RAI14: variants seen among roughly 807,000 people sequenced by gnomAD.
RAI14 encodes ankycorbin.
A neutral mutation model predicts 115.4 loss-of-function variants in RAI14; 45 were observed. The observed-to-expected ratio is 0.39, with a 90% CI of 0.31 to 0.50. The LOEUF is 0.50. Among genes scored for constraint, RAI14 ranks in the 20% least tolerant of loss-of-function variants. The pLI, the probability that RAI14 is intolerant of heterozygous loss-of-function variation, is 0.85. For synonymous variants in RAI14, 371 were observed against 415.4 expected, an observed-to-expected ratio of 0.89 and a Z score of 1.30; for missense variants, 939 against 1,131.2, an observed-to-expected ratio of 0.83 and a Z score of 2.44.
At chr5:34,767,536 C>G (rs1749558265) in intron 3 of RAI14, among the ~76,000 whole-genome samples, 1 of 152,082 alleles carries the variant, frequency 6.6e-6, no homozygotes, top group Admixed American at 6.5e-5. Context: ...AGAAGCACTT[C>G]TGCTTTCCCT....
chr5:34,679,696 A>G (rs1744248782), intron 1 of RAI14, among the ~76,000 whole-genome samples: 1 of 152,116 alleles, frequency 6.6e-6, no homozygotes, highest in Non-Finnish European at 1.5e-5. Flanking sequence ...CTGCACAAGG[A>G]CAGCAGTAAT....
intron 2 of RAI14, among the ~76,000 whole-genome samples, chr5:34,731,226 G>T (rs1425738398): frequency 6.6e-6 from 1 of 152,070 alleles, no homozygotes; most frequent in Non-Finnish European, 1.5e-5. Flanking sequence ...TGGTTATGTG[G>T]TTATGTTTTG....
At chr5:34,770,003 A>T (rs187405668) in intron 3 of RAI14, among the ~76,000 whole-genome samples, 31 of 152,342 alleles carry the variant, frequency 2.0e-4, no homozygotes, top group African/African-American at 7.2e-4. Flanking sequence ...TGCTAGGATT[A>T]CAGGGATGAG....
At chr5:34,660,380 C>T (rs780682222) in intron 1 of RAI14, among the ~76,000 whole-genome samples, 2 of 151,904 alleles carry the variant, frequency 1.3e-5, no homozygotes, top group Non-Finnish European at 2.9e-5. Flanking sequence ...TGCAGTGAGC[C>T]GAGATCCCAC....
intron 4 of RAI14, among the ~76,000 whole-genome samples, chr5:34,802,964 G>A (rs1754452008): frequency 6.6e-6 from 1 of 152,160 alleles, no homozygotes. Flanking sequence ...CAAGAGTAGG[G>A]GCTGAAGTGT....
chr5:34,695,178 G>A (rs762047965), intron 2 of RAI14, among the ~76,000 whole-genome samples: 10 of 152,328 alleles, frequency 6.6e-5, no homozygotes, highest in Non-Finnish European at 1.3e-4. Context: ...GGAATTATAG[G>A]TGTGAGCCAC....
At chr5:34,697,456 A>T (rs565161442) in intron 2 of RAI14, among the ~76,000 whole-genome samples, 1 of 152,050 alleles carries the variant, frequency 6.6e-6, no homozygotes, top group Non-Finnish European at 1.5e-5. Context: ...AAAGAAAAAA[A>T]AAAAAAGAAA....
At chr5:34,754,179 G>A (rs924728028) in intron 2 of RAI14, among the ~76,000 whole-genome samples, 2 of 152,106 alleles carry the variant, frequency 1.3e-5, no homozygotes, top group African/African-American at 4.8e-5. Context: ...AGTTTAGGAA[G>A]GAAAACTGAT....
chr5:34,684,227 G>A (rs138711067), intron 1 of RAI14, among the ~76,000 whole-genome samples: 209 of 152,250 alleles, frequency 1.4e-3, no homozygotes, highest in African/African-American at 4.7e-3. Context: ...TTCCTGTTCC[G>A]CCTACATCAG....
intron 3 of RAI14, among the ~76,000 whole-genome samples, chr5:34,761,939 A>G (rs954949581): frequency 6.6e-6 from 1 of 152,142 alleles, no homozygotes; most frequent in Non-Finnish European, 1.5e-5. Flanking sequence ...TTATTCTATT[A>G]TATCAAATGA....
chr5:34,773,791 C>T (rs1432264845), intron 3 of RAI14, among the ~76,000 whole-genome samples: 3 of 152,102 alleles, frequency 2.0e-5, no homozygotes, highest in Admixed American at 2.0e-4. Flanking sequence ...AAAACTCATA[C>T]ACTGTTGGTG....
chr5:34,830,956 C>T lies in RAI14; in HGVS notation c.*191C>T, dbSNP rs1280099004. On this transcript the variant is annotated 3_prime_UTR_variant, in exon 18 of 18. Coordinates refer to ENST00000265109, the MANE Select transcript of RAI14 (RefSeq NM_015577.3). ...CCGCCTCAGAACTGCTTAGAGACTT[C>T]AAACCAGCAGAGGTGAAAGTCCCTG... is the stretch of plus-strand genomic sequence containing the variant. 3.0e-6 allele frequency: 3 copies of T among 1,001,210 alleles called. No individual in the cohort carries two copies. The highest frequency in any genetic ancestry group is 6.1e-5 in the East Asian group (2 of 32,844). 62.0% of individuals were successfully genotyped at this position (1,001,210 alleles called of 1,614,324 possible).
intron 2 of RAI14, among the ~76,000 whole-genome samples, chr5:34,697,643 A>T (rs1256706366): frequency 6.6e-6 from 1 of 152,156 alleles, no homozygotes; most frequent in Non-Finnish European, 1.5e-5. Flanking sequence ...ACAGATAGGG[A>T]CTATCATGAC....
chr5:34,809,157 G>A (rs1202110979), intron 7 of RAI14, among the ~76,000 whole-genome samples: 1 of 152,142 alleles, frequency 6.6e-6, no homozygotes. Flanking sequence ...TTTGCTCCAA[G>A]AATACTCACC....
In RAI14 at chr5:34,811,051, C is replaced by T. The variant is rs1580337661; in HGVS notation, c.490C>T (p.His164Tyr). ...IPLLLAVQNG[H>Y]SEICHFLLDH... Reference sequence around the variant, plus strand: ...GCTGCTTCTTGCTGTACAAAATGGTCACAGTGAGATCTGTCACTTTCTCCT... The same window carrying T: ...GCTGCTTCTTGCTGTACAAAATGGTTACAGTGAGATCTGTCACTTTCTCCT... The change falls in exon 8 of 18, where the codon CAC becomes TAC. Residue 164 changes from histidine to tyrosine, a missense_variant. Physicochemically the swap from His to Tyr is moderately conservative, Grantham distance 83. Coordinates refer to ENST00000265109, the MANE Select transcript of RAI14 (RefSeq NM_015577.3). 6.2e-7 allele frequency: 1 copy of T among 1,614,038 alleles called. No individual in the cohort carries two copies.
chr5:34,832,417 A>G lies in RAI14; in HGVS notation c.*1652A>G, dbSNP rs1758079750. 1.3e-5 allele frequency: 2 copies of G among 152,778 alleles called. No individual in the cohort carries two copies. Among genetic ancestry groups the G allele is most frequent in the African/African-American group, 4.8e-5 (2 of 41,580 alleles). 9.5% of individuals were successfully genotyped at this position (152,778 alleles called of 1,614,324 possible). A position where few individuals can be genotyped will look rare whatever the true frequency, so the allele number is the denominator to read the frequency against. ...CAGCCCCTTCTGCCCCCGCACAGAA[A>G]TGCTGCAGAGTATATAAAACTTGAG... On this transcript the variant is annotated 3_prime_UTR_variant, in exon 18 of 18. Coordinates refer to ENST00000265109, the MANE Select transcript of RAI14 (RefSeq NM_015577.3).
chr5:34,764,723 G>T (rs766951337), intron 3 of RAI14, among the ~76,000 whole-genome samples: 2 of 152,096 alleles, frequency 1.3e-5, no homozygotes, highest in African/African-American at 4.8e-5. Context: ...AGTGTTGTAT[G>T]TTAAAGCTGA....
chr5:34,731,304 A>G (rs552825131), intron 2 of RAI14, among the ~76,000 whole-genome samples: 3 of 152,248 alleles, frequency 2.0e-5, no homozygotes, highest in Non-Finnish European at 4.4e-5. Flanking sequence ...ATACTCATAT[A>G]CATATATTTA....
At chr5:34,680,529 C>T (rs1437427747) in intron 1 of RAI14, among the ~76,000 whole-genome samples, 1 of 152,220 alleles carries the variant, frequency 6.6e-6, no homozygotes, top group Non-Finnish European at 1.5e-5. Flanking sequence ...AATACTATTA[C>T]ATTGGCAATT....
Sources: gnomAD v4.1 joint callset for allele counts (sites outside exome capture counted in the v4.1 genomes callset) on GRCh38, gnomAD v4.1.1 for gene constraint, MANE v1.5 for transcripts, NCBI Gene and HGNC (gene_info 2026-07-23, HGNC 2026-07-21) for gene names.